The following FRAS1 variants were observed in gnomAD, a reference collection of about 807,000 sequenced individuals.
FRAS1 encodes Fraser extracellular matrix complex subunit 1, also known as extracellular matrix organizing protein FRAS1.
Under a neutral mutation model 435.2 loss-of-function variants are expected in FRAS1, and 290 were observed. That is an observed-to-expected ratio of 0.67 (90% CI 0.61 to 0.73). The LOEUF (loss-of-function observed/expected upper bound fraction) is 0.73, where lower values mean the gene tolerates loss of function less well. Among genes scored for constraint, FRAS1 ranks in the 30% least tolerant of loss-of-function variants. The probability of loss-of-function intolerance (pLI) is 0.00; values close to 1 mark genes in which losing one functional copy is unlikely to be tolerated. For synonymous variants in FRAS1, 1,800 were observed against 1,851.0 expected (o/e 0.97, Z 0.71); for missense variants, 4,860 against 5,001.5 (o/e 0.97, Z 0.85).
intron 2 of FRAS1, among the ~76,000 whole-genome samples, chr4:78,185,234 G>A (rs920467740): frequency 1.3e-5 from 2 of 152,226 alleles, no homozygotes; most frequent in African/African-American, 4.8e-5. Flanking sequence ...CACTTTGTGA[G>A]TGTGATTTAG....
At chr4:78,346,494 A>G (rs1192447718) in intron 20 of FRAS1, among the ~76,000 whole-genome samples, 1 of 152,134 alleles carries the variant, frequency 6.6e-6, no homozygotes, top group Non-Finnish European at 1.5e-5. Flanking sequence ...GAGGGCACAT[A>G]TATGATCACT....
intron 1 of FRAS1, among the ~76,000 whole-genome samples, chr4:78,059,508 G>GAA (rs71214393): frequency 1.3e-4 from 17 of 131,140 alleles, no homozygotes; most frequent in Non-Finnish European, 1.8e-4. Context: ...GCGTACTTTG[G>GAA]AAAAAAAAAA....
intron 2 of FRAS1, among the ~76,000 whole-genome samples, chr4:78,122,210 A>G (rs191120121): frequency 2.4e-4 from 36 of 152,100 alleles, no homozygotes; most frequent in African/African-American, 8.7e-4. Context: ...CCCACTTATG[A>G]GTGAGAACAT....
At chr4:78,526,738 C>T in intron 70 of FRAS1, 81 bp downstream of exon 70, 1 of 861,262 alleles carries the variant, frequency 1.2e-6, no homozygotes. Flanking sequence ...TATTTGTAAC[C>T]CCCAAATCAA....
chr4:78,511,535 A>G, intron 64 of FRAS1, 29 bp downstream of exon 64: 1 of 1,501,304 alleles, frequency 6.7e-7, no homozygotes, highest in Non-Finnish European at 9.2e-7. Context: ...TCCACCACAC[A>G]TAGATTGAAG....
At chr4:78,181,182 C>T (rs1363703817) in intron 2 of FRAS1, 61 of 1,605,228 alleles carry the variant, frequency 3.8e-5, no homozygotes, top group Non-Finnish European at 5.0e-5. Flanking sequence ...TTAAATTCTA[C>T]TTTTGCCCGG....
chr4:78,084,185 AT>A (rs1741036759), intron 2 of FRAS1, among the ~76,000 whole-genome samples: 1 of 152,072 alleles, frequency 6.6e-6, no homozygotes. Context: ...ACAATCAAAT[AT>A]TTTTTTGGGG....
At chr4:78,137,346 A>G (rs897114712) in intron 2 of FRAS1, among the ~76,000 whole-genome samples, 2 of 152,192 alleles carry the variant, frequency 1.3e-5, no homozygotes, top group Non-Finnish European at 2.9e-5. Flanking sequence ...AACTTCTTTA[A>G]TCATATATGT....
At chr4:78,061,307 C>T (rs905522610) in intron 1 of FRAS1, among the ~76,000 whole-genome samples, 1 of 152,174 alleles carries the variant, frequency 6.6e-6, no homozygotes, top group Non-Finnish European at 1.5e-5. Flanking sequence ...AAGCTTCTAA[C>T]ATGGCTGCTT....
intron 41 of FRAS1, among the ~76,000 whole-genome samples, chr4:78,444,744 G>A (rs1718737271): frequency 6.6e-6 from 1 of 152,194 alleles, no homozygotes; most frequent in South Asian, 2.1e-4. Context: ...AGTGTTTGGG[G>A]TTGGGATGAG....
chr4:78,531,946 T>C (rs1477939841), intron 70 of FRAS1, among the ~76,000 whole-genome samples: 1 of 152,194 alleles, frequency 6.6e-6, no homozygotes, highest in African/African-American at 2.4e-5. Flanking sequence ...AAAAATCCAA[T>C]TATTTTCACT....
In FRAS1 at chr4:78,060,511, T is replaced by C. The variant is rs539413612; in HGVS notation, c.76+2426T>C. On this transcript the variant is annotated intron_variant, in intron 1 of 73. Coordinates refer to ENST00000512123, the MANE Select transcript of FRAS1 (RefSeq NM_025074.7). ...GGTCTTCCTCACTTAGCTGTGTGCT[T>C]ATTGAGGGGTTAGGATGGCTCCTAT... Among the ~76,000 whole-genome samples, 4 of 152,324 alleles carry C rather than the reference T, an allele frequency of 2.6e-5. No individual in the cohort carries two copies. In the East Asian group the frequency reaches 5.8e-4, roughly 22 times the overall value.
At chr4:78,395,152 T>G (rs938792449) in intron 29 of FRAS1, among the ~76,000 whole-genome samples, 1 of 151,968 alleles carries the variant, frequency 6.6e-6, no homozygotes, top group African/African-American at 2.4e-5. Context: ...ATTTAACTTC[T>G]TCCTTTCCAA....
At chr4:78,479,763 C>A (rs769597040) in intron 56 of FRAS1, 45 bp downstream of exon 56, 1 of 1,418,700 alleles carries the variant, frequency 7.0e-7, no homozygotes, top group Non-Finnish European at 9.5e-7. Context: ...TCTCCTGATT[C>A]CTTTCTTGAG....
intron 2 of FRAS1, among the ~76,000 whole-genome samples, chr4:78,153,323 C>T (rs1159212467): frequency 6.6e-6 from 1 of 151,988 alleles, no homozygotes; most frequent in Admixed American, 6.6e-5. Context: ...ATTCTGGGAT[C>T]CAGAATGGGG....
chr4:78,085,590 A>T (rs1325182754), intron 2 of FRAS1, among the ~76,000 whole-genome samples: 1 of 152,110 alleles, frequency 6.6e-6, no homozygotes, highest in African/African-American at 2.4e-5. Flanking sequence ...CAGACATGAG[A>T]CGAAGGAAGG....
At chr4:78,334,368 T>TTC (rs1428382881) in intron 19 of FRAS1, among the ~76,000 whole-genome samples, 9 of 96,568 alleles carry the variant, frequency 9.3e-5, no homozygotes, top group Non-Finnish European at 1.6e-4. Context: ...ATTTTCTTTT[T>TTC]TTTTTTTTTT....
At position 78,329,472 on chromosome 4, in the gene FRAS1, G is replaced by A. The variant is rs145552133; in HGVS notation, c.2138-3800G>A. Among the ~76,000 whole-genome samples the A allele has an allele frequency of 4.0e-4, 61 of 152,314 alleles. 1 individual carries two copies. The highest frequency in any genetic ancestry group is 1.3e-3 in the African/African-American group (56 of 41,576). On this transcript the variant is annotated intron_variant, in intron 18 of 73. Coordinates refer to ENST00000512123, the MANE Select transcript of FRAS1 (RefSeq NM_025074.7). ...TGCAATGGCCACCACTGCCGGAATG[G>A]CATTACACTAATCCATTCAAACGGC...
At chr4:78,395,820 G>GTT (rs1217745006) in intron 29 of FRAS1, among the ~76,000 whole-genome samples, 2 of 151,952 alleles carry the variant, frequency 1.3e-5, no homozygotes, top group African/African-American at 4.8e-5. Context: ...GCCACTCTGT[G>GTT]TTTTTTGATT....
Sources: allele counts gnomAD v4.1 joint callset (sites outside exome capture counted in the v4.1 genomes callset), GRCh38; gene constraint gnomAD v4.1.1; transcripts MANE v1.5; gene names NCBI Gene and HGNC (gene_info 2026-07-23, HGNC 2026-07-21).